The following MAPK9 variants were observed in gnomAD, a reference collection of about 807,000 sequenced individuals.
The protein encoded by MAPK9 is mitogen-activated protein kinase 9, also known as Jun kinase.
A neutral mutation model predicts 57.1 loss-of-function variants in MAPK9; 30 were observed. That is an observed-to-expected ratio of 0.53 (90% CI 0.39 to 0.71). The LOEUF is 0.71. MAPK9 is among the 30% of genes least tolerant of loss of function. The pLI, the probability that MAPK9 is intolerant of heterozygous loss-of-function variation, is 0.00. For missense variants in MAPK9, 362 were observed against 521.0 expected, an observed-to-expected ratio of 0.69 and a Z score of 2.97; for synonymous variants, 155 against 177.0, an observed-to-expected ratio of 0.88 and a Z score of 0.99.
rs1416370035 is a variant in MAPK9, at chr5:180,235,511, T to C, written c.*873A>G. 1 of 152,242 alleles carries C rather than the reference T, an allele frequency of 6.6e-6. No homozygotes were observed. Among genetic ancestry groups the C allele is most frequent in the East Asian group, 1.9e-4 (1 of 5,192 alleles). 9.4% of individuals were successfully genotyped at this position (152,242 alleles called of 1,614,324 possible). On this transcript the variant is annotated 3_prime_UTR_variant, in exon 12 of 12. Coordinates refer to ENST00000452135, the MANE Select transcript of MAPK9 (RefSeq NM_002752.5). ...GGATGCAGGAACCTATCTGCCATCATATTTAATTAAGATGGAGTGTTACGC... is the reference window on the plus strand; with the variant it reads ...GGATGCAGGAACCTATCTGCCATCACATTTAATTAAGATGGAGTGTTACGC...
intron 7 of MAPK9, among the ~76,000 whole-genome samples, chr5:180,243,222 G>GC (rs1168537976): frequency 6.6e-6 from 1 of 152,190 alleles, no homozygotes; most frequent in Non-Finnish European, 1.5e-5. Context: ...TGGGAACCAA[G>GC]CAACTGGGCT....
chr5:180,265,166 A>T (rs1366639994), intron 3 of MAPK9, among the ~76,000 whole-genome samples: 1 of 152,244 alleles, frequency 6.6e-6, no homozygotes, highest in African/African-American at 2.4e-5. Context: ...GAAAACTTAA[A>T]TACTACGCAC....
At chr5:180,262,801 GTCC>G (rs1038908625) in intron 4 of MAPK9, among the ~76,000 whole-genome samples, 1 of 152,082 alleles carries the variant, frequency 6.6e-6, no homozygotes, top group African/African-American at 2.4e-5. Context: ...TGCTGAAACT[GTCC>G]TCCTCGAGGC....
intron 3 of MAPK9, 66 bp from the exon 4 acceptor site, chr5:180,264,905 T>C (rs1219519423): frequency 7.7e-7 from 1 of 1,300,686 alleles, no homozygotes; most frequent in East Asian, 2.8e-5. Flanking sequence ...TTAAGTTTAA[T>C]ATTGAAATGC....
chr5:180,264,031 G>T (rs1054874070), intron 4 of MAPK9, among the ~76,000 whole-genome samples: 1 of 152,066 alleles, frequency 6.6e-6, no homozygotes, highest in Non-Finnish European at 1.5e-5. Context: ...CCCCTTCAAG[G>T]CTTTCTTCGA....
At chr5:180,282,462 T>C (rs899434906) in intron 1 of MAPK9, among the ~76,000 whole-genome samples, 2 of 152,144 alleles carry the variant, frequency 1.3e-5, no homozygotes, top group African/African-American at 4.8e-5. Context: ...AAGCACAATG[T>C]AAACAAAATC....
In MAPK9 at chr5:180,267,557, G is replaced by A. The variant is rs868424755; in HGVS notation, c.252+1723C>T. On this transcript the variant is annotated intron_variant, in intron 3 of 11. Coordinates refer to ENST00000452135, the MANE Select transcript of MAPK9 (RefSeq NM_002752.5). The stretch of plus-strand genomic sequence containing the variant: ...AGGTTGGGCGACAGAGCGAGACTCC[G>A]TCTCAAAAAAAAAAAAAAAAAAAAG... 9.3e-3 allele frequency among the ~76,000 whole-genome samples: 707 copies of A among 75,902 alleles called. 7 individuals are homozygous for A. The highest frequency in any genetic ancestry group is 0.03 in the African/African-American group (663 of 22,240). 49.8% of individuals were successfully genotyped at this position (75,902 alleles called of 152,430 possible). A position where few individuals can be genotyped will look rare whatever the true frequency, so the allele number is the denominator to read the frequency against.
Position 180,264,715 on chromosome 5 carries a change from T to C in MAPK9, c.311+66A>G, listed in dbSNP as rs369585511. The C allele has an allele frequency of 3.0e-4, 427 of 1,413,028 alleles. 1 individual carries two copies. In the South Asian group the frequency reaches 3.6e-3, roughly 12 times the overall value. 87.5% of individuals were successfully genotyped at this position (1,413,028 alleles called of 1,614,324 possible). A position where few individuals can be genotyped will look rare whatever the true frequency, so the allele number is the denominator to read the frequency against. ...TACATTTCCTAAGTATAAAAAGCAG[T>C]TGCTGTCTTTTCTAGATGTTCATTC... On this transcript the variant is annotated intron_variant, in intron 4 of 11. Coordinates refer to ENST00000452135, the MANE Select transcript of MAPK9 (RefSeq NM_002752.5).
chr5:180,265,891 T>A (rs187738499), intron 3 of MAPK9, among the ~76,000 whole-genome samples: 76 of 152,234 alleles, frequency 5.0e-4, no homozygotes, highest in Admixed American at 5.0e-3. Flanking sequence ...AAGACTTAAA[T>A]CTAAAACATG....
chr5:180,239,889 T>C, intron 10 of MAPK9, 35 bp downstream of exon 10: 1 of 1,590,912 alleles, frequency 6.3e-7, no homozygotes, highest in Non-Finnish European at 8.6e-7. Context: ...GGAAGAAATG[T>C]CAAAAGGAAG....
At chr5:180,240,129 T>A (rs550942079) in intron 9 of MAPK9, 142 bp from the exon 10 acceptor site, 3 of 638,290 alleles carry the variant, frequency 4.7e-6, no homozygotes, top group Non-Finnish European at 8.2e-6. Flanking sequence ...TAATAAAGAT[T>A]TGTCATGTGA....
chr5:180,244,701 G>A (rs897690564), intron 7 of MAPK9, among the ~76,000 whole-genome samples: 3 of 151,030 alleles, frequency 2.0e-5, no homozygotes, highest in African/African-American at 7.3e-5. Flanking sequence ...TTGAACCCAG[G>A]AGGTAGAGGT....
At chr5:180,251,281 T>C (rs1758663860) in intron 5 of MAPK9, among the ~76,000 whole-genome samples, 1 of 151,836 alleles carries the variant, frequency 6.6e-6, no homozygotes, top group Non-Finnish European at 1.5e-5. Flanking sequence ...CACCCAGAAC[T>C]AACAGCACGG....
chr5:180,242,330 A>T (rs1053080160), intron 8 of MAPK9, among the ~76,000 whole-genome samples: 1 of 152,214 alleles, frequency 6.6e-6, no homozygotes, highest in African/African-American at 2.4e-5. Flanking sequence ...TAACTGTAAC[A>T]TAAGATTCTT....
chr5:180,269,704 G>A (rs986332049), intron 2 of MAPK9, among the ~76,000 whole-genome samples: 1 of 152,156 alleles, frequency 6.6e-6, no homozygotes, highest in Non-Finnish European at 1.5e-5. Context: ...TTAATATAGA[G>A]TGCATAAAAC....
In MAPK9 at chr5:180,234,471, G is replaced by A. The variant is rs1042858396; in HGVS notation, c.*1913C>T. 1 of 152,280 alleles carries A rather than the reference G, an allele frequency of 6.6e-6. No homozygotes were observed. The highest frequency in any genetic ancestry group is 1.5e-5 in the Non-Finnish European group (1 of 68,096). 9.4% of individuals were successfully genotyped at this position (152,280 alleles called of 1,614,324 possible). ...TGGCAAGTGGCTCGCTGAATGCACA[G>A]AGGAGCGAGTGAGCAGAAGGGCGTC... On this transcript the variant is annotated 3_prime_UTR_variant, in exon 12 of 12. Coordinates refer to ENST00000452135, the MANE Select transcript of MAPK9 (RefSeq NM_002752.5).
intron 3 of MAPK9, among the ~76,000 whole-genome samples, chr5:180,265,529 G>A (rs1259567944): frequency 2.6e-5 from 4 of 152,182 alleles, no homozygotes; most frequent in African/African-American, 4.8e-5. Context: ...CTCTCCTGCC[G>A]CCTTGTGAAG....
chr5:180,252,243 T>G (rs1370976907), intron 5 of MAPK9, among the ~76,000 whole-genome samples: 1 of 152,072 alleles, frequency 6.6e-6, no homozygotes, highest in African/African-American at 2.4e-5. Context: ...TGTCTGGGCC[T>G]CTCTTCTAAT....
chr5:180,260,807 C>G (rs1759866216), intron 5 of MAPK9, among the ~76,000 whole-genome samples: 1 of 152,048 alleles, frequency 6.6e-6, no homozygotes, highest in African/African-American at 2.4e-5. Context: ...TCTTACTGGC[C>G]TTATTTGACA....
Sources: allele counts gnomAD v4.1 joint callset (sites outside exome capture counted in the v4.1 genomes callset), GRCh38; gene constraint gnomAD v4.1.1; transcripts MANE v1.5; gene names NCBI Gene and HGNC (gene_info 2026-07-23, HGNC 2026-07-21).